Variants in CSMD1 observed in about 807,000 individuals in gnomAD.
CSMD1 encodes the protein CUB and sushi domain-containing protein 1.
In CSMD1, 213 loss-of-function variants were observed where a neutral mutation model predicts 417.5. The observed-to-expected ratio is 0.51, with a 90% CI of 0.46 to 0.57. The LOEUF is 0.57. CSMD1 is among the 20% of genes least tolerant of loss of function. CSMD1 has a pLI of 0.00. For missense variants in CSMD1, 6,923 were observed against 4,529.7 expected, an observed-to-expected ratio of 1.53 and a Z score of -15.17; for synonymous variants, 2,862 against 1,736.8, an observed-to-expected ratio of 1.65 and a Z score of -16.11.
At chr8:3,830,410 A>G (rs1331704279) in intron 5 of CSMD1, among the ~76,000 whole-genome samples, 1 of 152,176 alleles carries the variant, frequency 6.6e-6, no homozygotes, top group Non-Finnish European at 1.5e-5. Flanking sequence ...CAATCAGATG[A>G]TACCCAGGTT....
chr8:4,707,984 C>A (rs1808057172), intron 1 of CSMD1, among the ~76,000 whole-genome samples: 1 of 150,960 alleles, frequency 6.6e-6, no homozygotes, highest in South Asian at 2.1e-4. Flanking sequence ...CTCACTCTGT[C>A]ACCCAGGCTA....
At chr8:3,636,286 C>T (rs1371218828) in intron 7 of CSMD1, among the ~76,000 whole-genome samples, 1 of 152,126 alleles carries the variant, frequency 6.6e-6, no homozygotes, top group African/African-American at 2.4e-5. Flanking sequence ...TCCTGAAGGC[C>T]CTGCCTGAGG....
intron 11 of CSMD1, among the ~76,000 whole-genome samples, chr8:3,487,175 G>C (rs950041483): frequency 1.3e-5 from 2 of 150,872 alleles, no homozygotes; most frequent in African/African-American, 2.4e-5. Context: ...TCAGACAACA[G>C]TGATTGATGT....
At chr8:3,901,925 T>C (rs553894376) in intron 5 of CSMD1, among the ~76,000 whole-genome samples, 16 of 152,212 alleles carry the variant, frequency 1.1e-4, no homozygotes, top group Non-Finnish European at 1.5e-4. Flanking sequence ...TGTGTGACTA[T>C]GAACAAGAGG....
chr8:3,214,061 G>C (rs1168511065), intron 30 of CSMD1, among the ~76,000 whole-genome samples: 1 of 151,888 alleles, frequency 6.6e-6, no homozygotes, highest in African/African-American at 2.4e-5. Context: ...GGCCAGGCTG[G>C]TCTCGAACTC....
intron 25 of CSMD1, among the ~76,000 whole-genome samples, chr8:3,289,578 G>T (rs1176603865): frequency 1.0e-5 from 1 of 98,190 alleles, no homozygotes; most frequent in East Asian, 2.6e-4. Flanking sequence ...GATGGCCGGT[G>T]ATGATGAGCA....
intron 3 of CSMD1, among the ~76,000 whole-genome samples, chr8:4,396,799 G>T (rs984664402): frequency 6.6e-6 from 1 of 152,040 alleles, no homozygotes; most frequent in African/African-American, 2.4e-5. Context: ...AACATCGTAT[G>T]TTCTCACTTA....
At chr8:3,688,221 G>C (rs769631293) in intron 7 of CSMD1, among the ~76,000 whole-genome samples, 1 of 152,174 alleles carries the variant, frequency 6.6e-6, no homozygotes, top group Non-Finnish European at 1.5e-5. Flanking sequence ...GCGTAAGTGG[G>C]CAAAGATGAT....
At chr8:3,045,392 C>CA (rs112801387) in intron 50 of CSMD1, among the ~76,000 whole-genome samples, 6,065 of 149,950 alleles carry the variant, frequency 0.04, 414 homozygotes, top group African/African-American at 0.14. Context: ...TATTTTAAAA[C>CA]AAAAAAAAAT....
chr8:4,983,930 ACTC>A (rs1212810874), intron 1 of CSMD1, among the ~76,000 whole-genome samples: 18 of 151,784 alleles, frequency 1.2e-4, no homozygotes, highest in African/African-American at 2.2e-4. Flanking sequence ...GGAATAGAAA[ACTC>A]CTCAATGGCG....
chr8:4,661,747 G>C (rs1027470420), intron 1 of CSMD1, among the ~76,000 whole-genome samples: 6 of 152,106 alleles, frequency 3.9e-5, no homozygotes, highest in Non-Finnish European at 8.8e-5. Flanking sequence ...TATAGACTAA[G>C]ATCAATGTTT....
At chr8:3,247,295 T>C (rs35927143) in intron 26 of CSMD1, among the ~76,000 whole-genome samples, 13,199 of 152,164 alleles carry the variant, frequency 0.087, 661 homozygotes, top group Admixed American at 0.13. Flanking sequence ...CTGGAGAGCA[T>C]AGCTGAAATT....
At chr8:4,742,187 CG>C (rs1314060327) in intron 1 of CSMD1, among the ~76,000 whole-genome samples, 4 of 151,076 alleles carry the variant, frequency 2.6e-5, no homozygotes, top group Admixed American at 6.6e-5. Context: ...CCCGCCACCA[CG>C]CCCGGCTAAT....
chr8:3,743,018 C>T (rs1312771203), intron 6 of CSMD1, among the ~76,000 whole-genome samples: 2 of 152,210 alleles, frequency 1.3e-5, no homozygotes, highest in Non-Finnish European at 2.9e-5. Flanking sequence ...TTGGAACATA[C>T]GCCTAGCACA....
Position 3,367,099 on chromosome 8 carries a change from G to A in CSMD1, c.3048C>T (p.Phe1016=). The A allele has an allele frequency of 6.2e-7, 1 of 1,613,880 alleles. No homozygotes were observed. Among genetic ancestry groups the A allele is most frequent in the Non-Finnish European group, 8.5e-7 (1 of 1,179,846 alleles). ...HTIKAGLFGN[F]TAQLRFISDF... ...CTGATATAAACCGAAGCTGGGCAGTGAAGTTTCCAAACAGGCCTGCCTTGA... is the reference window on the plus strand; with the variant it reads ...CTGATATAAACCGAAGCTGGGCAGTAAAGTTTCCAAACAGGCCTGCCTTGA... The change falls in exon 20 of 70, where the codon TTC becomes TTT. Residue 1016 remains phenylalanine, a synonymous_variant. Transcript: ENST00000635120.
chr8:3,644,688 G>C (rs1279364031), intron 7 of CSMD1, among the ~76,000 whole-genome samples: 1 of 152,126 alleles, frequency 6.6e-6, no homozygotes, highest in Admixed American at 6.5e-5. Context: ...GAGACCCAGA[G>C]CCAGTGAATG....
intron 3 of CSMD1, among the ~76,000 whole-genome samples, chr8:4,318,023 T>G (rs540873416): frequency 2.0e-5 from 3 of 152,150 alleles, no homozygotes; most frequent in Non-Finnish European, 4.4e-5. Context: ...CCAGGAGTAA[T>G]TCTATTAGCA....
rs999190379 is a variant in CSMD1 at position 3,685,223 on chromosome 8, C to T, written c.1009+23191G>A. Among the ~76,000 whole-genome samples the T allele has an allele frequency of 5.9e-5, 9 of 152,256 alleles. No homozygotes were observed. In the East Asian group the frequency reaches 7.7e-4, roughly 13 times the overall value. On this transcript the variant is annotated intron_variant, in intron 7 of 69. Coordinates refer to ENST00000635120, the MANE Select transcript of CSMD1 (RefSeq NM_033225.6). The stretch of plus-strand genomic sequence containing the variant: ...AATTGAAGCCACTGCCCTTGTTTTA[C>T]ACCAAAAATAGTGACTATAAAATAA...
intron 3 of CSMD1, among the ~76,000 whole-genome samples, chr8:4,208,744 G>T (rs1346115117): frequency 6.6e-6 from 1 of 152,140 alleles, no homozygotes; most frequent in African/African-American, 2.4e-5. Flanking sequence ...GGAATATGGA[G>T]AATATATTGT....
Sources: allele counts gnomAD v4.1 joint callset (sites outside exome capture counted in the v4.1 genomes callset), GRCh38; gene constraint gnomAD v4.1.1; transcripts MANE v1.5; gene names NCBI Gene and HGNC (gene_info 2026-07-23, HGNC 2026-07-21).